The following TDRD5 variants were observed in gnomAD, a reference collection of about 807,000 sequenced individuals.
TDRD5 encodes the protein tudor domain-containing protein 5.
Under a neutral mutation model 120.6 loss-of-function variants are expected in TDRD5, and 41 were observed. The observed-to-expected ratio is 0.34, with a 90% CI of 0.26 to 0.44. The LOEUF is 0.44. Ranked by LOEUF, TDRD5 falls within the 20% of genes least tolerant of loss-of-function variation. The pLI is 1.00. For synonymous variants in TDRD5, 430 were observed against 433.7 expected (o/e 0.99, Z 0.11); for missense variants, 1,006 against 1,221.2 (o/e 0.82, Z 2.63).
intron 17 of TDRD5, among the ~76,000 whole-genome samples, chr1:179,676,990 T>G (rs780070028): frequency 3.4e-4 from 51 of 152,218 alleles, no homozygotes; most frequent in Admixed American, 1.6e-3. Flanking sequence ...CCAGCTATTC[T>G]TAGGTTTGGA....
intron 6 of TDRD5, among the ~76,000 whole-genome samples, chr1:179,622,247 A>T (rs936477044): frequency 6.6e-6 from 1 of 152,194 alleles, no homozygotes; most frequent in African/African-American, 2.4e-5. Flanking sequence ...AAGATATTTC[A>T]GCTGTTGCCC....
rs1676688349 is a variant in TDRD5 at position 179,618,660 on chromosome 1, A to C, written c.893A>C (p.Glu298Ala). Residue 298 changes from glutamate to alanine, a missense_variant, in exon 5 of 18, where the codon GAA becomes GCA. Physicochemically the swap from Glu to Ala is moderately radical, Grantham distance 107. This residue lies in a region of TDRD5 where 445 missense variants were observed against 515.5 expected (regional missense o/e 0.86). Transcript: ENST00000444136. Reference sequence around the variant, plus strand: ...GGACCTGGAGGAACTATCAGTTCAGAACTAAAACATAAGATAAAATTTGTA... The same window carrying C: ...GGACCTGGAGGAACTATCAGTTCAGCACTAAAACATAAGATAAAATTTGTA... ...QIGPGGTISS[E>A]LKHKIKFVVS... 6.3e-7 allele frequency: 1 copy of C among 1,592,552 alleles called. No homozygotes were observed. The highest frequency in any genetic ancestry group is 1.4e-5 in the African/African-American group (1 of 73,744).
chr1:179,668,741 C>CTTTT lies in TDRD5; in HGVS notation c.2650-437_2650-434dup, dbSNP rs35873475. On this transcript the variant is annotated intron_variant, in intron 16 of 17. Transcript: ENST00000444136. ...GCTTTTTCTAGAGAGTATCTAGGTT[C>CTTTT]TTTTTTTTTTTTTTTTTTTGTGATG... 1.2e-3 allele frequency among the ~76,000 whole-genome samples: 132 copies of CTTTT among 110,304 alleles called. 1 individual carries two copies. Among genetic ancestry groups the CTTTT allele is most frequent in the Non-Finnish European group, 1.6e-3 (92 of 56,356 alleles). The allele number at this position is 110,304 out of a possible 152,430, so 72.4% of individuals were successfully genotyped here.
chr1:179,683,946 A>G (rs1680562679), intron 17 of TDRD5, among the ~76,000 whole-genome samples: 2 of 152,168 alleles, frequency 1.3e-5, no homozygotes, highest in African/African-American at 2.4e-5. Context: ...AGTGCTTAGC[A>G]TCCCCTTCCT....
In TDRD5 at chr1:179,593,552, C is replaced by T. The variant is rs1475572233; in HGVS notation, c.325C>T (p.Pro109Ser). 6.2e-7 allele frequency: 1 copy of T among 1,614,142 alleles called. No homozygotes were observed. Among genetic ancestry groups the T allele is most frequent in the Non-Finnish European group, 8.5e-7 (1 of 1,180,030 alleles). Reference sequence around the variant, plus strand: ...TCGAAACTCAATGCATAAGGGAAGACCTAGTATTTATTCTGGACCGAGATC... The same window carrying T: ...TCGAAACTCAATGCATAAGGGAAGATCTAGTATTTATTCTGGACCGAGATC... ...KLRNSMHKGR[P>S]SIYSGPRSHR... The change falls in exon 3 of 18, where the codon CCT becomes TCT. Residue 109 changes from proline (P) to serine (S), a missense_variant. Physicochemically the swap from Pro to Ser is moderately conservative, Grantham distance 74. Coordinates refer to ENST00000444136, the MANE Select transcript of TDRD5 (RefSeq NM_001199085.3).
At chr1:179,687,536 A>G (rs1680792977) in intron 17 of TDRD5, among the ~76,000 whole-genome samples, 1 of 152,086 alleles carries the variant, frequency 6.6e-6, no homozygotes. Flanking sequence ...TGGAGTGGAG[A>G]GTTCTGTAGA....
chr1:179,653,984 T>C (rs911127994), intron 13 of TDRD5, among the ~76,000 whole-genome samples: 2 of 152,240 alleles, frequency 1.3e-5, no homozygotes, highest in African/African-American at 4.8e-5. Flanking sequence ...TTCACAGAGC[T>C]GTCTTGTAGA....
rs74690278 is a variant in TDRD5 at position 179,657,676 on chromosome 1, T to C, written c.2322+3314T>C. Among the ~76,000 whole-genome samples, 1,139 of 152,284 alleles carry C rather than the reference T, an allele frequency of 7.5e-3. 33 individuals carry two copies. Among genetic ancestry groups the C allele is most frequent in the Admixed American group, 0.055 (846 of 15,294 alleles). On this transcript the variant is annotated intron_variant, in intron 14 of 17. Coordinates refer to ENST00000444136, the MANE Select transcript of TDRD5 (RefSeq NM_001199085.3). ...TTTTCTGGGAAAGATTATGTAGAATTGTATTTCCTTTTTATTTATTTTTGT... is the reference window on the plus strand; with the variant it reads ...TTTTCTGGGAAAGATTATGTAGAATCGTATTTCCTTTTTATTTATTTTTGT...
intron 4 of TDRD5, among the ~76,000 whole-genome samples, chr1:179,607,233 T>C (rs1312461936): frequency 6.6e-6 from 1 of 152,168 alleles, no homozygotes; most frequent in African/African-American, 2.4e-5. Flanking sequence ...ATTTCACTTA[T>C]TACTGGAATA....
intron 17 of TDRD5, among the ~76,000 whole-genome samples, chr1:179,677,629 G>A (rs1172542659): frequency 6.6e-6 from 1 of 152,114 alleles, no homozygotes; most frequent in African/African-American, 2.4e-5. Flanking sequence ...GCTCTTCTGG[G>A]TTTAGCCAGT....
chr1:179,631,971 A>C (rs1677481124), intron 7 of TDRD5, among the ~76,000 whole-genome samples: 1 of 145,012 alleles, frequency 6.9e-6, no homozygotes, highest in Non-Finnish European at 1.5e-5. Flanking sequence ...CAGTGGCGTG[A>C]TCTTGGCTCA....
chr1:179,605,374 TGTTA>T (rs1168896348), intron 4 of TDRD5, among the ~76,000 whole-genome samples: 1 of 152,178 alleles, frequency 6.6e-6, no homozygotes, highest in Non-Finnish European at 1.5e-5. Context: ...TTGCATTCGA[TGTTA>T]GTTTTGAGAT....
intron 17 of TDRD5, among the ~76,000 whole-genome samples, chr1:179,682,229 A>AT (rs1680461605): frequency 1.3e-5 from 2 of 150,980 alleles, no homozygotes; most frequent in Non-Finnish European, 2.9e-5. Flanking sequence ...TGAATTTTAC[A>AT]TTGTTGGCTT....
intron 17 of TDRD5, among the ~76,000 whole-genome samples, chr1:179,687,650 G>A (rs1165967852): frequency 6.6e-6 from 1 of 152,054 alleles, no homozygotes; most frequent in Non-Finnish European, 1.5e-5. Context: ...GGGTGTTAAA[G>A]TCTCCCATTA....
intron 4 of TDRD5, among the ~76,000 whole-genome samples, chr1:179,602,594 C>T (rs1040714694): frequency 2.6e-5 from 4 of 152,076 alleles, no homozygotes; most frequent in South Asian, 2.1e-4. Flanking sequence ...CTCCTACATG[C>T]GGCTAGCCAA....
chr1:179,690,200 C>T (rs371640970), intron 17 of TDRD5, among the ~76,000 whole-genome samples: 71 of 152,306 alleles, frequency 4.7e-4, no homozygotes, highest in Non-Finnish European at 8.5e-4. Flanking sequence ...TAGAACCTCT[C>T]GGCATTTATT....
At chr1:179,621,956 A>C (rs929841986) in intron 6 of TDRD5, among the ~76,000 whole-genome samples, 1 of 152,244 alleles carries the variant, frequency 6.6e-6, no homozygotes, top group Non-Finnish European at 1.5e-5. Flanking sequence ...CTACTGTGCC[A>C]TGAAAACTAT....
chr1:179,598,070 T>A (rs1675501592), intron 4 of TDRD5, among the ~76,000 whole-genome samples: 1 of 152,224 alleles, frequency 6.6e-6, no homozygotes, highest in Non-Finnish European at 1.5e-5. Flanking sequence ...TATAGCCTAC[T>A]ACACACCTAG....
intron 13 of TDRD5, among the ~76,000 whole-genome samples, chr1:179,653,184 T>C (rs1298711093): frequency 2.0e-5 from 3 of 152,226 alleles, no homozygotes; most frequent in African/African-American, 7.2e-5. Context: ...GGGCTAAGAA[T>C]ACAGGATGTG....
Sources: gnomAD v4.1 joint callset for allele counts (sites outside exome capture counted in the v4.1 genomes callset) on GRCh38, gnomAD v4.1.1 for gene constraint, gnomAD v4.1.1 regional missense constraint, MANE v1.5 for transcripts, NCBI Gene and HGNC (gene_info 2026-07-23, HGNC 2026-07-21) for gene names.